Variants in USP4 observed in about 807,000 individuals in gnomAD.
The protein encoded by USP4 is ubiquitin specific peptidase 4.
USP4 carries 72 observed loss-of-function variants against 118.2 expected under a neutral mutation model. The ratio of observed to expected loss-of-function variants is 0.61; its 90% CI spans 0.50 to 0.74. The LOEUF is 0.74. Ranked by LOEUF, USP4 falls within the 30% of genes least tolerant of loss-of-function variation. The probability of loss-of-function intolerance (pLI) is 0.00; values close to 1 mark genes in which losing one functional copy is unlikely to be tolerated. For missense variants in USP4, 1,037 were observed against 1,185.7 expected, an observed-to-expected ratio of 0.87 and a Z score of 1.84; for synonymous variants, 415 against 440.4, an observed-to-expected ratio of 0.94 and a Z score of 0.72.
chr3:49,325,645 C>T, intron 4 of USP4, 74 bp downstream of exon 4: 1 of 1,575,376 alleles, frequency 6.3e-7, no homozygotes, highest in Non-Finnish European at 8.7e-7. Flanking sequence ...AAAATAATGC[C>T]CTCTTCCCTC....
At chr3:49,333,497 G>A (rs2047640311) in intron 2 of USP4, among the ~76,000 whole-genome samples, 1 of 152,124 alleles carries the variant, frequency 6.6e-6, no homozygotes. Flanking sequence ...TTCTAGCTTT[G>A]ATTTGAAGTG....
chr3:49,292,969 G>A (rs1302016247), intron 14 of USP4, among the ~76,000 whole-genome samples: 41 of 152,212 alleles, frequency 2.7e-4, no homozygotes, highest in Admixed American at 2.7e-3. Context: ...GGCAGAGGTT[G>A]CAGTGAGCCG....
chr3:49,335,373 C>T lies in USP4; in HGVS notation c.229+96G>A, dbSNP rs1170297682. 5.3e-5 allele frequency: 82 copies of T among 1,543,802 alleles called. 1 individual carries two copies. Among genetic ancestry groups the T allele is most frequent in the Middle Eastern group, 1.7e-4 (1 of 5,920 alleles). On this transcript the variant is annotated intron_variant, in intron 2 of 21. Transcript: ENST00000265560. ...GAGGATACTTGTTTCTATCTCCTCA[C>T]ACTAGGAAAGTTCACAACGTCCATG...
intron 1 of USP4, among the ~76,000 whole-genome samples, 172 bp from the exon 2 acceptor site, chr3:49,335,768 T>G (rs2047662664): frequency 6.6e-6 from 1 of 152,236 alleles, no homozygotes; most frequent in Non-Finnish European, 1.5e-5. Context: ...ACAGAGAGTC[T>G]GGCCCAGGGT....
chr3:49,298,040 A>G, intron 12 of USP4, 76 bp from the exon 13 acceptor site: 1 of 958,896 alleles, frequency 1.0e-6, no homozygotes, highest in Non-Finnish European at 1.6e-6. Context: ...CCCAGAAACA[A>G]ATGAAAAAAA....
intron 19 of USP4, among the ~76,000 whole-genome samples, chr3:49,282,717 C>CT (rs1279499477): frequency 6.7e-6 from 1 of 149,198 alleles, no homozygotes; most frequent in Non-Finnish European, 1.5e-5. Flanking sequence ...TTTTTTTTTT[C>CT]TTTTTTTGGA....
In USP4 at chr3:49,335,449, A is replaced by G; in HGVS notation, c.229+20T>C. 6.2e-7 allele frequency: 1 copy of G among 1,614,210 alleles called. No individual in the cohort carries two copies. The highest frequency in any genetic ancestry group is 8.5e-7 in the Non-Finnish European group (1 of 1,180,024). On this transcript the variant is annotated intron_variant, in intron 2 of 21. Coordinates refer to ENST00000265560, the MANE Select transcript of USP4 (RefSeq NM_003363.4). Reference sequence around the variant, plus strand: ...ACTGCCCAGGTGAATGTTTAGCTAGAAAAGCAACATTTACTATACCTGAAA... The same window carrying G: ...ACTGCCCAGGTGAATGTTTAGCTAGGAAAGCAACATTTACTATACCTGAAA...
intron 14 of USP4, among the ~76,000 whole-genome samples, chr3:49,293,379 T>C (rs969196969): frequency 6.6e-6 from 1 of 151,962 alleles, no homozygotes; most frequent in Non-Finnish European, 1.5e-5. Flanking sequence ...TGGAAATCAC[T>C]TGAACCTGGG....
rs866027908 is a variant in USP4 at position 49,303,490 on chromosome 3, C to T, written c.1129-948G>A. The stretch of plus-strand genomic sequence containing the variant: ...GGAGAACCACTGTTCTACACCTGTT[C>T]TCTAATACCATAGCCACTAGCCACA... On this transcript the variant is annotated intron_variant, in intron 9 of 21. Coordinates refer to ENST00000265560, the MANE Select transcript of USP4 (RefSeq NM_003363.4). Among the ~76,000 whole-genome samples the T allele has an allele frequency of 2.0e-4, 29 of 146,302 alleles. 1 individual carries two copies. Among genetic ancestry groups the T allele is most frequent in the South Asian group, 1.3e-3 (6 of 4,460 alleles).
chr3:49,286,816 CTCTATCTATCTATCTA>C lies in USP4; in HGVS notation c.1973-507_1973-492del, dbSNP rs57920190. 4.7e-3 allele frequency among the ~76,000 whole-genome samples: 661 copies of C among 141,344 alleles called. 3 individuals are homozygous for C. The highest frequency in any genetic ancestry group is 7.0e-3 in the Non-Finnish European group (459 of 65,438). The allele number at this position is 141,344 out of a possible 152,430, so 92.7% of individuals were successfully genotyped here. A position where few individuals can be genotyped will look rare whatever the true frequency, so the allele number is the denominator to read the frequency against. On this transcript the variant is annotated intron_variant, in intron 15 of 21. Transcript: ENST00000265560. ...ATCCGAGACAGTCTCACTCTAGCCA[CTCTATCTATCTATCTA>C]TCTATCTATCTATCTATCTATCTAT...
At chr3:49,330,704 G>GGGAGGCTGGAGGCT (rs566854275) in intron 2 of USP4, among the ~76,000 whole-genome samples, 3 of 152,096 alleles carry the variant, frequency 2.0e-5, no homozygotes, top group Admixed American at 6.6e-5. Flanking sequence ...TAAAAATATT[G>GGGAGGCTGGAGGCT]GGAGGCTGGA....
At chr3:49,298,014 T>A in intron 12 of USP4, 50 bp from the exon 13 acceptor site, 1 of 1,203,750 alleles carries the variant, frequency 8.3e-7, no homozygotes, top group Non-Finnish European at 1.2e-6. Context: ...AGAGTGCCCC[T>A]ACTAACTGCT....
intron 15 of USP4, among the ~76,000 whole-genome samples, chr3:49,291,688 A>G (rs1341567706): frequency 6.6e-6 from 1 of 151,900 alleles, no homozygotes; most frequent in Non-Finnish European, 1.5e-5. Flanking sequence ...CCCAAAAAGA[A>G]GAGTGACATG....
At chr3:49,280,187 C>T (rs545386935) in intron 20 of USP4, among the ~76,000 whole-genome samples, 9 of 151,434 alleles carry the variant, frequency 5.9e-5, no homozygotes, top group South Asian at 4.2e-4. Flanking sequence ...CGCTTGAACC[C>T]GGGAGGTGGA....
At chr3:49,326,826 C>T (rs9879577) in intron 3 of USP4, among the ~76,000 whole-genome samples, 5,950 of 151,636 alleles carry the variant, frequency 0.039, 382 homozygotes, top group African/African-American at 0.14. Flanking sequence ...CTCAGCCTCC[C>T]GAGTAGCTGG....
intron 21 of USP4, 102 bp downstream of exon 21, chr3:49,278,712 A>G (rs2046986777): frequency 1.0e-6 from 1 of 982,476 alleles, no homozygotes; most frequent in Non-Finnish European, 1.5e-6. Context: ...AGCTCCCACT[A>G]TCACATCAGG....
In USP4 at chr3:49,327,725, C is replaced by T; in HGVS notation, c.321G>A (p.Trp107Ter). 1 of 1,614,078 alleles carries T rather than the reference C, an allele frequency of 6.2e-7. No individual in the cohort carries two copies. Among genetic ancestry groups the T allele is most frequent in the Non-Finnish European group, 8.5e-7 (1 of 1,180,008 alleles). ...PTEAWNKLLN[W>*]YGCVEGQQPI... Reference sequence around the variant, plus strand: ...GTTGCTGGCCTTCTACACAGCCGTACCAGTTTAGTAGTTTATTCCACGCCT... The same window carrying T: ...GTTGCTGGCCTTCTACACAGCCGTATCAGTTTAGTAGTTTATTCCACGCCT... Residue 107 changes from tryptophan (W) to a stop codon, truncating the protein, a stop_gained, in exon 3 of 22, where the codon TGG (tryptophan) becomes TGA (stop). Transcript: ENST00000265560. LOFTEE classifies it high-confidence loss of function.
intron 1 of USP4, among the ~76,000 whole-genome samples, chr3:49,337,744 AT>A (rs1327733308): frequency 2.0e-5 from 3 of 151,396 alleles, no homozygotes; most frequent in African/African-American, 7.3e-5. Flanking sequence ...ACCTGTTTAT[AT>A]TTTTAAAGTA....
At chr3:49,292,735 A>G in intron 14 of USP4, 137 bp from the exon 15 acceptor site, 1 of 609,520 alleles carries the variant, frequency 1.6e-6, no homozygotes. Context: ...TGTAAATAGA[A>G]GTGCTTTAGA....
Sources: allele counts gnomAD v4.1 joint callset (sites outside exome capture counted in the v4.1 genomes callset), GRCh38; gene constraint gnomAD v4.1.1; transcripts MANE v1.5; gene names NCBI Gene and HGNC (gene_info 2026-07-23, HGNC 2026-07-21).